Variants in NRXN3 observed in about 807,000 individuals in gnomAD.
NRXN3 encodes the protein neurexin III.
NRXN3 carries 32 observed loss-of-function variants against 137.6 expected under a neutral mutation model. The observed-to-expected ratio is 0.23, with a 90% CI of 0.18 to 0.31. The LOEUF (loss-of-function observed/expected upper bound fraction) is 0.31, where lower values mean the gene tolerates loss of function less well. Among genes scored for constraint, NRXN3 ranks in the 10% least tolerant of loss-of-function variants. The pLI is 1.00. For synonymous variants in NRXN3, 798 were observed against 784.5 expected, an observed-to-expected ratio of 1.02 and a Z score of -0.29; for missense variants, 1,574 against 2,062.5, an observed-to-expected ratio of 0.76 and a Z score of 4.59.
chr14:78,343,706 A>G (rs1441946030), intron 4 of NRXN3, among the ~76,000 whole-genome samples: 1 of 152,206 alleles, frequency 6.6e-6, no homozygotes, highest in Non-Finnish European at 1.5e-5. Flanking sequence ...TTAAAGCCAG[A>G]GACAAAGGGC....
intron 8 of NRXN3, among the ~76,000 whole-genome samples, chr14:78,779,690 T>C (rs992154339): frequency 6.6e-6 from 1 of 152,102 alleles, no homozygotes; most frequent in Admixed American, 6.5e-5. Flanking sequence ...AATTAAAATG[T>C]AGAACTGAAA....
chr14:78,504,218 C>G (rs779738312), intron 4 of NRXN3, among the ~76,000 whole-genome samples: 5 of 152,192 alleles, frequency 3.3e-5, no homozygotes, highest in Admixed American at 6.5e-5. Context: ...GAAAGGGAAA[C>G]TGGTCATTGC....
chr14:79,574,103 TA>T (rs1173568316), intron 16 of NRXN3, among the ~76,000 whole-genome samples: 1 of 151,816 alleles, frequency 6.6e-6, no homozygotes, highest in Non-Finnish European at 1.5e-5. Context: ...CCTAAAGGAG[TA>T]TAACCGAATA....
chr14:79,623,293 CTA>C (rs1041584464), intron 16 of NRXN3, among the ~76,000 whole-genome samples: 2 of 152,210 alleles, frequency 1.3e-5, no homozygotes, highest in Non-Finnish European at 2.9e-5. Context: ...TTGTCTTACT[CTA>C]TGTTTTCTAG....
intron 15 of NRXN3, among the ~76,000 whole-genome samples, chr14:79,123,915 C>T (rs1250267521): frequency 2.6e-5 from 4 of 152,140 alleles, no homozygotes; most frequent in African/African-American, 9.7e-5. Flanking sequence ...TCTGCTTATT[C>T]GTCTCTTTGT....
At position 78,385,174 on chromosome 14, in the gene NRXN3, TA is replaced by T. The variant is rs1035147179; in HGVS notation, c.757+87322del. 1.2e-3 allele frequency among the ~76,000 whole-genome samples: 184 copies of T among 151,596 alleles called. 2 individuals carry two copies. Among genetic ancestry groups the T allele is most frequent in the African/African-American group, 2.9e-3 (120 of 41,332 alleles). ...TGTCATGTGGTTTCACACACACAAATAAAAAAAATGAAAGGAAATAAATCAA... is the reference window on the plus strand; with the variant it reads ...TGTCATGTGGTTTCACACACACAAATAAAAAAATGAAAGGAAATAAATCAA... On this transcript the variant is annotated intron_variant, in intron 4 of 20. Transcript: ENST00000335750.
At chr14:78,760,595 G>T (rs1476211264) in intron 8 of NRXN3, among the ~76,000 whole-genome samples, 8 of 150,994 alleles carry the variant, frequency 5.3e-5, no homozygotes, top group African/African-American at 2.0e-4. Flanking sequence ...CATACATTTG[G>T]CAAGGCGGAT....
At chr14:78,596,941 C>A (rs958715873) in intron 4 of NRXN3, among the ~76,000 whole-genome samples, 10 of 152,136 alleles carry the variant, frequency 6.6e-5, no homozygotes, top group Non-Finnish European at 1.3e-4. Context: ...GATCAAATAG[C>A]AAAGAGAAAG....
At chr14:79,479,811 G>A (rs2096591153) in intron 16 of NRXN3, among the ~76,000 whole-genome samples, 1 of 152,040 alleles carries the variant, frequency 6.6e-6, no homozygotes, top group Non-Finnish European at 1.5e-5. Context: ...TGAAAAGATT[G>A]GCCTGGAGAC....
intron 15 of NRXN3, among the ~76,000 whole-genome samples, chr14:79,002,941 T>A (rs1359480031): frequency 2.0e-5 from 3 of 152,206 alleles, no homozygotes; most frequent in Non-Finnish European, 2.9e-5. Context: ...GAGGACCTAC[T>A]ACCTTTACTT....
chr14:79,081,384 G>C (rs146488533), intron 15 of NRXN3, among the ~76,000 whole-genome samples: 1,615 of 152,246 alleles, frequency 0.011, 34 homozygotes, highest in African/African-American at 0.037. Flanking sequence ...GGGAGGCCGA[G>C]GCGGGCAGAT....
intron 15 of NRXN3, among the ~76,000 whole-genome samples, chr14:79,075,967 T>G (rs2045899696): frequency 6.6e-6 from 1 of 152,182 alleles, no homozygotes; most frequent in Non-Finnish European, 1.5e-5. Context: ...GAAGACTTGG[T>G]CTGCAGAGCC....
intron 16 of NRXN3, among the ~76,000 whole-genome samples, chr14:79,646,704 G>A (rs2098454713): frequency 7.4e-6 from 1 of 135,130 alleles, no homozygotes; most frequent in South Asian, 2.3e-4. Flanking sequence ...GGGTAGACTT[G>A]GGCTTCTGGT....
chr14:78,464,972 T>G (rs1245139957), intron 4 of NRXN3, among the ~76,000 whole-genome samples: 1 of 152,230 alleles, frequency 6.6e-6, no homozygotes, highest in African/African-American at 2.4e-5. Flanking sequence ...ACATGCTTTA[T>G]AGTTGATTCT....
At chr14:79,534,117 A>G (rs1463781142) in intron 16 of NRXN3, among the ~76,000 whole-genome samples, 1 of 152,180 alleles carries the variant, frequency 6.6e-6, no homozygotes. Context: ...GAGCTGGAAA[A>G]GAGCTTAGAG....
chr14:79,730,292 C>T (rs2098917143), intron 19 of NRXN3, among the ~76,000 whole-genome samples: 1 of 152,176 alleles, frequency 6.6e-6, no homozygotes, highest in South Asian at 2.1e-4. Flanking sequence ...TTTGGGCTGG[C>T]TGAGTGGGGC....
At chr14:79,238,691 TA>T (rs1421293470) in intron 15 of NRXN3, among the ~76,000 whole-genome samples, 1 of 152,144 alleles carries the variant, frequency 6.6e-6, no homozygotes, top group African/African-American at 2.4e-5. Flanking sequence ...TCTGCATTTT[TA>T]AAAAGGCATT....
chr14:78,456,530 C>T (rs1176421878), intron 4 of NRXN3, among the ~76,000 whole-genome samples: 1 of 152,218 alleles, frequency 6.6e-6, no homozygotes, highest in Non-Finnish European at 1.5e-5. Context: ...TTCTAGCGTA[C>T]TATGCTGTCT....
At chr14:78,317,237 A>G (rs964336065) in intron 4 of NRXN3, among the ~76,000 whole-genome samples, 7 of 152,092 alleles carry the variant, frequency 4.6e-5, no homozygotes, top group Non-Finnish European at 1.0e-4. Context: ...TCCTCAGTGG[A>G]TTAGATCAGG....
Sources: allele counts gnomAD v4.1 joint callset (sites outside exome capture counted in the v4.1 genomes callset), GRCh38; gene constraint gnomAD v4.1.1; transcripts MANE v1.5; gene names NCBI Gene and HGNC (gene_info 2026-07-23, HGNC 2026-07-21).